SETD3: variants seen among roughly 807,000 people sequenced by gnomAD.
SETD3 encodes the protein actin-histidine N-methyltransferase.
Under a neutral mutation model 63.0 loss-of-function variants are expected in SETD3, and 19 were observed. That is an observed-to-expected ratio of 0.30 (90% CI 0.21 to 0.44). The LOEUF (loss-of-function observed/expected upper bound fraction) is 0.44, where lower values mean the gene tolerates loss of function less well. Among genes scored for constraint, SETD3 ranks in the 20% least tolerant of loss-of-function variants. SETD3 has a pLI of 1.00. For missense variants in SETD3, 587 were observed against 728.5 expected (o/e 0.81, Z 2.24); for synonymous variants, 286 against 264.1 (o/e 1.08, Z -0.80).
chr14:99,484,197 C>T (rs1204427672), upstream of SETD3, among the ~76,000 whole-genome samples: 2 of 152,198 alleles, frequency 1.3e-5, no homozygotes, highest in African/African-American at 4.8e-5. Flanking sequence ...TAAAGTAAGA[C>T]TAGTTGTGAT....
At chr14:99,417,754 G>A (rs1448868083) in intron 6 of SETD3, among the ~76,000 whole-genome samples, 7 of 152,140 alleles carry the variant, frequency 4.6e-5, no homozygotes, top group Admixed American at 2.0e-4. Flanking sequence ...ATACATTTGC[G>A]TTAAGGTTTT....
At chr14:99,482,868 GTGTC>G (rs1896387668), upstream of SETD3, among the ~76,000 whole-genome samples, 1 of 152,184 alleles carries the variant, frequency 6.6e-6, no homozygotes, top group Non-Finnish European at 1.5e-5. Flanking sequence ...ACTCTGCTGA[GTGTC>G]TGAAAGGGAG....
intron 6 of SETD3, among the ~76,000 whole-genome samples, chr14:99,452,899 C>G (rs1026139449): frequency 6.6e-6 from 1 of 152,178 alleles, no homozygotes; most frequent in African/African-American, 2.4e-5. Context: ...TTGGTACAGG[C>G]CCCCAAGAAA....
rs1176066106 is a variant in SETD3 at position 99,412,821 on chromosome 14, G to C, written c.849+130C>G. Reference sequence around the variant, plus strand: ...GCGGTGGGGAGGAGTGGCCGGTTCGGTTTTGTTTGTTCCTTTTGGAGGGAG... The same window carrying C: ...GCGGTGGGGAGGAGTGGCCGGTTCGCTTTTGTTTGTTCCTTTTGGAGGGAG... On this transcript the variant is annotated intron_variant, in intron 8 of 12. Transcript: ENST00000331768. The C allele has an allele frequency of 4.5e-6, 3 of 669,204 alleles. No individual in the cohort carries two copies. In the African/African-American group the frequency reaches 5.4e-5, roughly 12 times the overall value. 41.5% of individuals were successfully genotyped at this position (669,204 alleles called of 1,614,324 possible). A position where few individuals can be genotyped will look rare whatever the true frequency, so the allele number is the denominator to read the frequency against.
At chr14:99,430,227 A>G (rs141658314) in intron 6 of SETD3, among the ~76,000 whole-genome samples, 238 of 152,348 alleles carry the variant, frequency 1.6e-3, no homozygotes, top group African/African-American at 5.6e-3. Context: ...CCCTGGGTGC[A>G]CAGATATGCA....
chr14:99,438,631 G>A lies in SETD3; in HGVS notation c.675+19648C>T, dbSNP rs376382629. 1.2e-4 allele frequency among the ~76,000 whole-genome samples: 18 copies of A among 152,248 alleles called. No homozygotes were observed. The East Asian group carries it at 2.5e-3, about 21-fold the overall frequency. ...TCACCAGATCCTGTCAATTCTACCT[G>A]CAGGTACTTCTCGGATTCACCAGGC... On this transcript the variant is annotated intron_variant, in intron 6 of 12. Transcript: ENST00000331768.
At chr14:99,446,598 A>G (rs959505843) in intron 6 of SETD3, among the ~76,000 whole-genome samples, 9 of 152,106 alleles carry the variant, frequency 5.9e-5, no homozygotes, top group African/African-American at 1.9e-4. Context: ...CACCTGCGTC[A>G]CAGGTAAGGT....
At chr14:99,405,403 A>G in intron 9 of SETD3, 32 bp from the exon 10 acceptor site, 2 of 1,601,674 alleles carry the variant, frequency 1.2e-6, no homozygotes, top group Non-Finnish European at 1.7e-6. Context: ...AGAAAAGGGC[A>G]TTAGACAAAC....
intron 1 of SETD3, among the ~76,000 whole-genome samples, chr14:99,477,344 C>A (rs546282274): frequency 6.6e-6 from 1 of 152,294 alleles, no homozygotes; most frequent in African/African-American, 2.4e-5. Flanking sequence ...TTAGAGGAGA[C>A]TCCCAAGTGG....
intron 6 of SETD3, among the ~76,000 whole-genome samples, chr14:99,433,715 G>A (rs578154718): frequency 3.9e-5 from 6 of 152,312 alleles, no homozygotes; most frequent in Admixed American, 1.3e-4. Context: ...GGGATTACAC[G>A]TGTGAGCTAC....
intron 6 of SETD3, among the ~76,000 whole-genome samples, chr14:99,442,722 C>G (rs1200449651): frequency 6.6e-6 from 1 of 152,202 alleles, no homozygotes; most frequent in African/African-American, 2.4e-5. Context: ...ATGTGTTAAT[C>G]AACTGTTTGC....
intron 8 of SETD3, among the ~76,000 whole-genome samples, chr14:99,408,484 C>T (rs933970044): frequency 1.1e-4 from 17 of 152,102 alleles, no homozygotes; most frequent in African/African-American, 4.1e-4. Context: ...CAGGCACTCC[C>T]AGGGTGCTGG....
chr14:99,458,380 C>G lies in SETD3; in HGVS notation c.574G>C (p.Asp192His). 6.2e-7 allele frequency: 1 copy of G among 1,614,098 alleles called. No homozygotes were observed. Among genetic ancestry groups the G allele is most frequent in the Non-Finnish European group, 8.5e-7 (1 of 1,180,014 alleles). Residue 192 changes from aspartate (D) to histidine (H), a missense_variant, in exon 6 of 13, where the codon GAT (aspartate) becomes CAT (histidine). By Grantham distance (81) the Asp-to-His change is moderately conservative. Coordinates refer to ENST00000331768, the MANE Select transcript of SETD3 (RefSeq NM_032233.3). ...EYDTPLYFEEDEVRYLQSTQA... is the reference protein window; with the variant it reads ...EYDTPLYFEEHEVRYLQSTQA... The stretch of plus-strand genomic sequence containing the variant: ...GTGGACTGAAGATACCGAACTTCAT[C>G]TTCTTCAAAGTAGAGAGGAGTGTCA...
intron 6 of SETD3, among the ~76,000 whole-genome samples, chr14:99,436,447 T>C (rs1893488050): frequency 6.6e-6 from 1 of 152,170 alleles, no homozygotes; most frequent in Non-Finnish European, 1.5e-5. Context: ...AGCCTGGACA[T>C]GGCCACCAGC....
At position 99,413,855 on chromosome 14, in the gene SETD3, A is replaced by G. The variant is rs181933444; in HGVS notation, c.734+21T>C. 368 of 1,613,334 alleles carry G rather than the reference A, an allele frequency of 2.3e-4. 1 individual carries two copies. The African/African-American group carries it at 4.5e-3, about 20-fold the overall frequency. On this transcript the variant is annotated intron_variant, in intron 7 of 12. Coordinates refer to ENST00000331768, the MANE Select transcript of SETD3 (RefSeq NM_032233.3). ...TAGAAACCACCCTCAATACACAGAC[A>G]CACTCACAGCCCACACCAACCTGTA... is the stretch of plus-strand genomic sequence containing the variant.
intron 6 of SETD3, among the ~76,000 whole-genome samples, chr14:99,419,079 A>C (rs768447760): frequency 3.3e-5 from 5 of 152,222 alleles, no homozygotes; most frequent in Non-Finnish European, 5.9e-5. Flanking sequence ...GAATCAAAAC[A>C]TGGTTCACAT....
intron 1 of SETD3, among the ~76,000 whole-genome samples, chr14:99,479,283 T>C (rs1896135007): frequency 6.6e-6 from 1 of 152,230 alleles, no homozygotes; most frequent in Admixed American, 6.5e-5. Flanking sequence ...AACTTGGCTT[T>C]GCAAACTACT....
chr14:99,480,948 G>T (rs1299348372), upstream of SETD3: 1 of 152,454 alleles, frequency 6.6e-6, no homozygotes, highest in Non-Finnish European at 1.5e-5. Context: ...ATTGGCCCAC[G>T]CTTCGGACGC....
intron 6 of SETD3, among the ~76,000 whole-genome samples, chr14:99,415,314 T>A: frequency 6.6e-6 from 1 of 152,302 alleles, no homozygotes; most frequent in African/African-American, 2.4e-5. Flanking sequence ...GTCTAAAAAT[T>A]TGGAGCCCCC....
Sources: allele counts gnomAD v4.1 joint callset (sites outside exome capture counted in the v4.1 genomes callset), GRCh38; gene constraint gnomAD v4.1.1; transcripts MANE v1.5; gene names NCBI Gene and HGNC (gene_info 2026-07-23, HGNC 2026-07-21).